Variants in SEPHS1 observed in about 807,000 individuals in gnomAD.
The protein encoded by SEPHS1 is zincore component SEPHS1.
A neutral mutation model predicts 39.2 loss-of-function variants in SEPHS1; 7 were observed. The ratio of observed to expected loss-of-function variants is 0.18; its 90% CI spans 0.10 to 0.34. The LOEUF is 0.34. Ranked by LOEUF, SEPHS1 falls within the 10% of genes least tolerant of loss-of-function variation. The pLI is 1.00. For synonymous variants in SEPHS1, 190 were observed against 195.5 expected (o/e 0.97, Z 0.23); for missense variants, 253 against 514.5 (o/e 0.49, Z 4.92).
chr10:13,343,980 T>C (rs545007953), intron 2 of SEPHS1, among the ~76,000 whole-genome samples: 2 of 152,300 alleles, frequency 1.3e-5, no homozygotes, highest in South Asian at 2.1e-4. Context: ...CAGAATTTGT[T>C]TCTAAGCTCT....
Position 13,334,413 on chromosome 10 carries a change from C to A in SEPHS1, c.406-442G>T, listed in dbSNP as rs536801128. On this transcript the variant is annotated intron_variant, in intron 4 of 8. Transcript: ENST00000327347. ...AAAATTAGCCGGGTGTGGTAGCATGCGCCTGTAATCCCAGCTACTTGGGAG... is the reference window on the plus strand; with the variant it reads ...AAAATTAGCCGGGTGTGGTAGCATGAGCCTGTAATCCCAGCTACTTGGGAG... Among the ~76,000 whole-genome samples the A allele has an allele frequency of 7.2e-5, 11 of 152,096 alleles. No individual in the cohort carries two copies. The South Asian group carries it at 2.3e-3, about 32-fold the overall frequency.
At chr10:13,347,791 C>CGGCGGCGCG (rs1241584345) in intron 1 of SEPHS1, among the ~76,000 whole-genome samples, 2 of 129,568 alleles carry the variant, frequency 1.5e-5, no homozygotes, top group African/African-American at 5.5e-5. Context: ...GCGGCGGCGG[C>CGGCGGCGCG]GGCGGCGCGG....
Position 13,318,307 on chromosome 10 carries a change from AG to A in SEPHS1, c.*834del, listed in dbSNP as rs1370632254. The A allele has an allele frequency of 6.6e-6, 1 of 152,640 alleles. No homozygotes were observed. The highest frequency in any genetic ancestry group is 1.5e-5 in the Non-Finnish European group (1 of 68,040). The allele number at this position is 152,640 out of a possible 1,614,324, so 9.5% of individuals were successfully genotyped here. A position where few individuals can be genotyped will look rare whatever the true frequency, so the allele number is the denominator to read the frequency against. On this transcript the variant is annotated 3_prime_UTR_variant, in exon 9 of 9. Transcript: ENST00000327347. ...TATTAAACACTACCATCCACAGAAC[AG>A]TCTTTACTATTGATTATATTTAAAA... is the stretch of plus-strand genomic sequence containing the variant.
chr10:13,345,852 G>T (rs1833906414), intron 1 of SEPHS1, among the ~76,000 whole-genome samples: 2 of 152,236 alleles, frequency 1.3e-5, no homozygotes, highest in African/African-American at 4.8e-5. Context: ...ACTCCAGCCT[G>T]GGCGAGAGTG....
At chr10:13,339,633 G>A (rs570602431) in intron 2 of SEPHS1, among the ~76,000 whole-genome samples, 12 of 151,618 alleles carry the variant, frequency 7.9e-5, no homozygotes, top group African/African-American at 2.7e-4. Context: ...ATCTGTGGGG[G>A]ACTGGTTCCA....
At chr10:13,347,432 G>A (rs958755643) in intron 1 of SEPHS1, 1 of 150,232 alleles carries the variant, frequency 6.7e-6, no homozygotes, top group Non-Finnish European at 1.5e-5. Context: ...CCCGGGCTGC[G>A]GGCCGGCGGC....
In SEPHS1 at chr10:13,319,229, G is replaced by A. The variant is rs372805790; in HGVS notation, c.1092C>T (p.Ala364=). 1.7e-5 allele frequency: 27 copies of A among 1,613,798 alleles called. No individual in the cohort carries two copies. Among genetic ancestry groups the A allele is most frequent in the South Asian group, 7.7e-5 (7 of 91,056 alleles). Residue 364 remains alanine, a synonymous_variant, in exon 9 of 9, where the codon GCC becomes GCT. Transcript: ENST00000327347. ...TGATCCGGGGTTTGTCTATGATTCT[G>A]GCTGTGCGGTTGCCCTTCTCTACAA... The part of the protein sequence containing the change: ...IGIVEKGNRT[A]RIIDKPRIIE...
At chr10:13,344,283 A>T (rs1295303429) in intron 2 of SEPHS1, among the ~76,000 whole-genome samples, 1 of 152,220 alleles carries the variant, frequency 6.6e-6, no homozygotes, top group Non-Finnish European at 1.5e-5. Context: ...TCCTTTTAGG[A>T]AAAGGGAATA....
At chr10:13,320,187 AT>A (rs991848446) in intron 8 of SEPHS1, among the ~76,000 whole-genome samples, 104 of 145,784 alleles carry the variant, frequency 7.1e-4, no homozygotes, top group South Asian at 1.8e-3. Context: ...TAGGCCATAA[AT>A]TTTTTTTTTT....
intron 1 of SEPHS1, among the ~76,000 whole-genome samples, chr10:13,345,746 G>T (rs1012069070): frequency 6.6e-6 from 1 of 152,160 alleles, no homozygotes; most frequent in Non-Finnish European, 1.5e-5. Context: ...GCGTGGTGGT[G>T]CGCACCTGTA....
At chr10:13,329,810 G>C (rs750322927) in intron 5 of SEPHS1, 22 bp from the exon 6 acceptor site, 59 of 1,580,110 alleles carry the variant, frequency 3.7e-5, no homozygotes, top group Non-Finnish European at 5.1e-5. Context: ...AAAAGGGCAT[G>C]TTCTAGTCAA....
chr10:13,324,608 C>A (rs1159773786), intron 7 of SEPHS1, among the ~76,000 whole-genome samples: 1 of 152,130 alleles, frequency 6.6e-6, no homozygotes, highest in East Asian at 1.9e-4. Flanking sequence ...TTGGTATTAT[C>A]AGTGTTTTTG....
chr10:13,327,025 G>T (rs377389193), intron 7 of SEPHS1, among the ~76,000 whole-genome samples: 6 of 152,064 alleles, frequency 3.9e-5, no homozygotes, highest in African/African-American at 1.4e-4. Flanking sequence ...ATCACCTGAG[G>T]TCAGGAGTTC....
intron 5 of SEPHS1, among the ~76,000 whole-genome samples, chr10:13,332,943 G>A (rs1364362570): frequency 1.3e-5 from 2 of 152,008 alleles, no homozygotes; most frequent in African/African-American, 4.8e-5. Flanking sequence ...CTAATACTAT[G>A]CTAAGTGACA....
intron 8 of SEPHS1, among the ~76,000 whole-genome samples, chr10:13,320,400 C>T (rs1040555732): frequency 6.6e-6 from 1 of 151,790 alleles, no homozygotes; most frequent in Admixed American, 6.6e-5. Flanking sequence ...CCAGGATGGT[C>T]TCGATCTCCT....
At position 13,335,447 on chromosome 10, in the gene SEPHS1, C is replaced by T. The variant is rs549282414; in HGVS notation, c.405+796G>A. Among the ~76,000 whole-genome samples the T allele has an allele frequency of 4.0e-5, 6 of 151,848 alleles. No homozygotes were observed. In the East Asian group the frequency reaches 7.8e-4, roughly 20 times the overall value. On this transcript the variant is annotated intron_variant, in intron 4 of 8. Transcript: ENST00000327347. The stretch of plus-strand genomic sequence containing the variant: ...TTGGGAGGCCGAAGTGGGTGGATCA[C>T]GAGCTCAGGAGTTCGAGACCAGCCT...
Position 13,328,385 on chromosome 10 carries a change from C to T in SEPHS1, c.717G>A (p.Glu239=), listed in dbSNP as rs1833368154. 1 of 1,613,846 alleles carries T rather than the reference C, an allele frequency of 6.2e-7. No individual in the cohort carries two copies. Among genetic ancestry groups the T allele is most frequent in the Admixed American group, 1.7e-5 (1 of 59,982 alleles). The change falls in exon 7 of 9, where the codon GAG becomes GAA. Residue 239 remains glutamate (E), a synonymous_variant. Coordinates refer to ENST00000327347, the MANE Select transcript of SEPHS1 (RefSeq NM_012247.5). ...TGAGCCTCGCCATGTTCATCATCGC[C>T]TCCTGGTAGGCCAGCTCTACATCTT... ...TQEDVELAYQ[E]AMMNMARLNR...
rs1588538428 is a variant in SEPHS1 at position 13,329,918 on chromosome 10, TA to T, written c.561-131del. On this transcript the variant is annotated intron_variant, in intron 5 of 8. Coordinates refer to ENST00000327347, the MANE Select transcript of SEPHS1 (RefSeq NM_012247.5). ...TGCATTTACTTAAATTGAAGCCAAC[TA>T]CCAGCATGTATGGGACAGAGCCTTG... The T allele has an allele frequency of 5.4e-6, 4 of 739,968 alleles. No individual in the cohort carries two copies. In the East Asian group the frequency reaches 1.1e-4, roughly 21 times the overall value. The allele number at this position is 739,968 out of a possible 1,614,324, so 45.8% of individuals were successfully genotyped here. A position where few individuals can be genotyped will look rare whatever the true frequency, so the allele number is the denominator to read the frequency against.
At position 13,323,066 on chromosome 10, in the gene SEPHS1, G is replaced by A. The variant is rs766835954; in HGVS notation, c.752-19C>T. 1.2e-5 allele frequency: 19 copies of A among 1,609,132 alleles called. No individual in the cohort carries two copies. Among genetic ancestry groups the A allele is most frequent in the Non-Finnish European group, 1.4e-5 (17 of 1,176,288 alleles). ...CCTGCAGCTGGGAGAGAGAGGGGGCGGCTCTGAGAAAAAACACCTTTCCTC... is the reference window on the plus strand; with the variant it reads ...CCTGCAGCTGGGAGAGAGAGGGGGCAGCTCTGAGAAAAAACACCTTTCCTC... On this transcript the variant is annotated intron_variant, in intron 7 of 8. Transcript: ENST00000327347.
Sources: allele counts gnomAD v4.1 joint callset (sites outside exome capture counted in the v4.1 genomes callset), GRCh38; gene constraint gnomAD v4.1.1; transcripts MANE v1.5; gene names NCBI Gene and HGNC (gene_info 2026-07-23, HGNC 2026-07-21).